The following MMRN2 variants were observed in gnomAD, a reference collection of about 807,000 sequenced individuals.
MMRN2 encodes multimerin 2, also known as multimerin-2.
Under a neutral mutation model 68.8 loss-of-function variants are expected in MMRN2, and 53 were observed. The observed-to-expected ratio is 0.77, with a 90% CI of 0.62 to 0.97. The LOEUF (loss-of-function observed/expected upper bound fraction) is 0.97, where lower values mean the gene tolerates loss of function less well. Among genes scored for constraint, MMRN2 ranks in the 50% least tolerant of loss-of-function variants. The probability of loss-of-function intolerance (pLI) is 0.00; values close to 1 mark genes in which losing one functional copy is unlikely to be tolerated. For missense variants in MMRN2, 1,266 were observed against 1,259.5 expected (o/e 1.01, Z -0.08); for synonymous variants, 564 against 551.6 (o/e 1.02, Z -0.32).
intron 1 of MMRN2, among the ~76,000 whole-genome samples, chr10:86,946,346 G>A (rs956860353): frequency 3.3e-5 from 5 of 152,244 alleles, no homozygotes; most frequent in African/African-American, 1.2e-4. Flanking sequence ...CTGCCCAGTT[G>A]CTACTTACAT....
rs772365182 is a variant in MMRN2, at chr10:86,943,091, G to A, written c.1693C>T (p.Arg565Trp). The change falls in exon 6 of 7, where the codon CGG (arginine) becomes TGG (tryptophan). Residue 565 changes from arginine to tryptophan, a missense_variant. Physicochemically the swap from Arg to Trp is moderately radical, Grantham distance 101. Transcript: ENST00000372027. This position sits in a 1 kb window ranked among gnomAD's most constrained non-coding sequence, Gnocchi z 4.2. ...ERARAATSRL[R>W]SQVQALDDEV... is the part of the protein sequence containing the mutation. Reference sequence around the variant, plus strand: ...TCATCCAGCGCCTGCACTTGGCTCCGGAGCCGCGACGTGGCCGCCCGCGCC... The same window carrying A: ...TCATCCAGCGCCTGCACTTGGCTCCAGAGCCGCGACGTGGCCGCCCGCGCC... 7 of 1,450,432 alleles carry A rather than the reference G, an allele frequency of 4.8e-6. No homozygotes were observed. The African/African-American group carries it at 8.9e-5, about 18-fold the overall frequency. 89.8% of individuals were successfully genotyped at this position (1,450,432 alleles called of 1,614,324 possible). A position where few individuals can be genotyped will look rare whatever the true frequency, so the allele number is the denominator to read the frequency against.
intron 6 of MMRN2, among the ~76,000 whole-genome samples, chr10:86,939,722 CTGTGCAAACTCAGAG>C (rs1843936592): frequency 6.6e-6 from 1 of 151,272 alleles, no homozygotes; most frequent in South Asian, 2.1e-4. Context: ...GCGGGAAGGG[CTGTGCAAACTCAGAG>C]TGTGCTTCCC....
chr10:86,955,996 G>C (rs1844218693), intron 1 of MMRN2, among the ~76,000 whole-genome samples: 1 of 152,170 alleles, frequency 6.6e-6, no homozygotes, highest in African/African-American at 2.4e-5. Flanking sequence ...TGGGGAGGAA[G>C]AGGAGCAGCT....
chr10:86,938,969 C>T (rs968576814), intron 6 of MMRN2, among the ~76,000 whole-genome samples: 2 of 148,822 alleles, frequency 1.3e-5, no homozygotes, highest in Admixed American at 6.7e-5. Flanking sequence ...TCGAGACCAG[C>T]GTGACCAACA....
At position 86,943,587 on chromosome 10, in the gene MMRN2, C is replaced by G. The variant is rs140752811; in HGVS notation, c.1197G>C (p.Glu399Asp). The change falls in exon 6 of 7, where the codon GAG becomes GAC. Residue 399 changes from glutamate to aspartate, a missense_variant. Transcript: ENST00000372027. The surrounding 1 kb of genome is among the most constrained non-coding windows in gnomAD (Gnocchi z 4.2). ...GCCGGGTCAGGGTGGCCCTCATGTC[C>G]TCCAGGGTGTACTGCAACTCCTCCT... ...RREEELQYTLEDMRATLTRHV... is the reference protein window; with the variant it reads ...RREEELQYTLDDMRATLTRHV... 1.1e-5 allele frequency: 17 copies of G among 1,614,018 alleles called. No individual in the cohort carries two copies. The highest frequency in any genetic ancestry group is 2.7e-5 in the African/African-American group (2 of 74,938).
In MMRN2 at chr10:86,942,721, T is replaced by A. The variant is rs1401123266; in HGVS notation, c.2063A>T (p.Glu688Val). Residue 688 changes from glutamate to valine, a missense_variant, in exon 6 of 7, where the codon GAG (glutamate) becomes GTG (valine). Physicochemically the swap from Glu to Val is moderately radical, Grantham distance 121 (BLOSUM62 -2). Transcript: ENST00000372027. The stretch of plus-strand genomic sequence containing the variant: ...CCCGGCCAGGGCGGTGGTGGCGGCC[T>A]CCTCGCGGCCCGCGTCGTGGCTGGG... ...LEPSHDAGRE[E>V]AATTALAGLA... 6.8e-7 allele frequency: 1 copy of A among 1,464,268 alleles called. No homozygotes were observed. 90.7% of individuals were successfully genotyped at this position (1,464,268 alleles called of 1,614,324 possible).
In MMRN2 at chr10:86,944,294, G is replaced by C. The variant is rs1873808; in HGVS notation, c.623C>G (p.Ala208Gly). The C allele has an allele frequency of 1.0e-4, 166 of 1,613,008 alleles. 1 individual carries two copies. In the South Asian group the frequency reaches 1.7e-3, roughly 17 times the overall value. ...TGTTTGATTTGCTTCCATCACTGCA[G>C]CTGTGAGGTTACCAGGCAGGGCTTT... is the stretch of plus-strand genomic sequence containing the variant. The part of the protein sequence containing the change: ...LWKALPGNLT[A>G]AVMEANQTGH... Residue 208 changes from alanine to glycine, a missense_variant, in exon 5 of 7, where the codon GCT becomes GGT. Physicochemically the swap from Ala to Gly is moderately conservative, Grantham distance 60. Coordinates refer to ENST00000372027, the MANE Select transcript of MMRN2 (RefSeq NM_024756.3).
intron 1 of MMRN2, among the ~76,000 whole-genome samples, chr10:86,954,462 G>T (rs1844189124): frequency 1.3e-5 from 2 of 152,234 alleles, no homozygotes; most frequent in African/African-American, 4.8e-5. Context: ...CAGAGCTGGT[G>T]TGGGGGGAAG....
chr10:86,942,491 T>C lies in MMRN2; in HGVS notation c.2293A>G (p.Asn765Asp). The stretch of plus-strand genomic sequence containing the variant: ...AGCTTCCCCAGGTCCAGGCTGACGT[T>C]GGCTTCCATGAGCCCTTGGAAGTTC... ...FGNFQGLMEA[N>D]VSLDLGKLQT... Residue 765 changes from asparagine to aspartate, a missense_variant, in exon 6 of 7, where the codon AAC becomes GAC. Transcript: ENST00000372027. 6.2e-7 allele frequency: 1 copy of C among 1,614,104 alleles called. No homozygotes were observed. Among genetic ancestry groups the C allele is most frequent in the South Asian group, 1.1e-5 (1 of 91,086 alleles).
rs1844218743 is a variant in MMRN2 at position 86,955,999 on chromosome 10, G to A, written c.164+1379C>T. 2.0e-5 allele frequency among the ~76,000 whole-genome samples: 3 copies of A among 152,236 alleles called. 1 individual carries two copies. The highest frequency in any genetic ancestry group is 2.1e-4 in the South Asian group (1 of 4,822). ...CAACCAAGGGGGTGGGGAGGAAGAG[G>A]AGCAGCTCCCTCCTCCCTCCCGTCC... is the stretch of plus-strand genomic sequence containing the variant. On this transcript the variant is annotated intron_variant, in intron 1 of 6. Transcript: ENST00000372027.
chr10:86,954,596 T>A (rs568157458), intron 1 of MMRN2, among the ~76,000 whole-genome samples: 13 of 152,184 alleles, frequency 8.5e-5, no homozygotes, highest in Non-Finnish European at 1.9e-4. Context: ...AAGGAAGGCG[T>A]GTTCTCAGCA....
In MMRN2 at chr10:86,936,119, T is replaced by C; in HGVS notation, c.*624A>G. 1 of 285,120 alleles carries C rather than the reference T, an allele frequency of 3.5e-6. No homozygotes were observed. The highest frequency in any genetic ancestry group is 6.5e-6 in the Non-Finnish European group (1 of 154,568). 17.7% of individuals were successfully genotyped at this position (285,120 alleles called of 1,614,324 possible). The stretch of plus-strand genomic sequence containing the variant: ...TTATAGGGATTACAATTCAAGATGA[T>C]ATTTTAGGTGGGGGCACAGCTAAAC... On this transcript the variant is annotated 3_prime_UTR_variant, in exon 7 of 7. Transcript: ENST00000372027.
At chr10:86,939,839 T>TGTGTTTGTG (rs1843941786) in intron 6 of MMRN2, among the ~76,000 whole-genome samples, 1 of 120,290 alleles carries the variant, frequency 8.3e-6, no homozygotes, top group African/African-American at 2.9e-5. Context: ...GTGTGTGTGT[T>TGTGTTTGTG]TGTGTGTGTG....
At chr10:86,953,107 C>T (rs1457367891) in intron 1 of MMRN2, among the ~76,000 whole-genome samples, 1 of 152,122 alleles carries the variant, frequency 6.6e-6, no homozygotes, top group Non-Finnish European at 1.5e-5. Flanking sequence ...TCCCTTGTTC[C>T]CTAAAATCGC....
At chr10:86,946,289 G>A (rs1198925091) in intron 1 of MMRN2, among the ~76,000 whole-genome samples, 3 of 152,220 alleles carry the variant, frequency 2.0e-5, no homozygotes, top group Non-Finnish European at 2.9e-5. Flanking sequence ...CCTGACAAGC[G>A]TTCTGTGAAC....
Position 86,943,231 on chromosome 10 carries a change from G to A in MMRN2, c.1553C>T (p.Thr518Ile), listed in dbSNP as rs759401753. 3.1e-6 allele frequency: 5 copies of A among 1,611,066 alleles called. No homozygotes were observed. The South Asian group carries it at 4.4e-5, about 14-fold the overall frequency. The stretch of plus-strand genomic sequence containing the variant: ...CCGCCGCTCGTCCAGGCTCACCTGG[G>A]TCTCCTCCAGGGCACGCGTGGCGTC... ...QRDATRALEE[T>I]QVSLDERRQL... Residue 518 changes from threonine (T) to isoleucine (I), a missense_variant, in exon 6 of 7, where the codon ACC becomes ATC. Thr to Ile is a moderately conservative substitution (Grantham distance 89). Transcript: ENST00000372027. This position sits in a 1 kb window ranked among gnomAD's most constrained non-coding sequence, Gnocchi z 4.2.
chr10:86,956,296 C>T (rs966161509), intron 1 of MMRN2, among the ~76,000 whole-genome samples: 1 of 152,172 alleles, frequency 6.6e-6, no homozygotes, highest in African/African-American at 2.4e-5. Context: ...CACTAAGGGG[C>T]CTCTTGCCCC....
intron 1 of MMRN2, among the ~76,000 whole-genome samples, chr10:86,947,604 C>A (rs954038437): frequency 1.3e-5 from 2 of 152,016 alleles, no homozygotes; most frequent in Non-Finnish European, 2.9e-5. Flanking sequence ...AACTCCTGAC[C>A]TCGTGATCCA....
chr10:86,945,356 G>T lies in MMRN2; in HGVS notation c.400+14C>A, dbSNP rs113498537. 2.3e-5 allele frequency: 36 copies of T among 1,599,254 alleles called. No individual in the cohort carries two copies. Among genetic ancestry groups the T allele is most frequent in the Admixed American group, 6.9e-5 (4 of 57,994 alleles). Reference sequence around the variant, plus strand: ...CAGAGGTCAAGGGGGGAAGGGGGCCGCAGGGAGCCCTACCGTGGTGCTCGC... The same window carrying T: ...CAGAGGTCAAGGGGGGAAGGGGGCCTCAGGGAGCCCTACCGTGGTGCTCGC... On this transcript the variant is annotated intron_variant, in intron 3 of 6. Coordinates refer to ENST00000372027, the MANE Select transcript of MMRN2 (RefSeq NM_024756.3).
Sources: gnomAD v4.1 joint callset for allele counts (sites outside exome capture counted in the v4.1 genomes callset) on GRCh38, gnomAD v4.1.1 for gene constraint, Gnocchi (gnomAD v3.1) non-coding constraint, MANE v1.5 for transcripts, NCBI Gene and HGNC (gene_info 2026-07-23, HGNC 2026-07-21) for gene names.